Variants in NKAIN3 observed in about 807,000 individuals in gnomAD.
NKAIN3 encodes sodium/potassium-transporting ATPase subunit beta-1-interacting protein 3.
Under a neutral mutation model 30.2 loss-of-function variants are expected in NKAIN3, and 25 were observed. The observed-to-expected ratio is 0.83, with a 90% CI of 0.60 to 1.16. NKAIN3 has a LOEUF of 1.16. NKAIN3 is among the 50% of genes most tolerant of loss of function. The probability of loss-of-function intolerance (pLI) is 0.00; values close to 1 mark genes in which losing one functional copy is unlikely to be tolerated. For synonymous variants in NKAIN3, 91 were observed against 89.6 expected, an observed-to-expected ratio of 1.02 and a Z score of -0.09; for missense variants, 225 against 254.1, an observed-to-expected ratio of 0.89 and a Z score of 0.78.
chr8:62,602,743 C>T (rs535019122), intron 3 of NKAIN3, among the ~76,000 whole-genome samples: 1 of 152,224 alleles, frequency 6.6e-6, no homozygotes, highest in South Asian at 2.1e-4. Context: ...ATCCTGATCT[C>T]ATAATGATGT....
chr8:62,920,721 G>T (rs1392738714), intron 5 of NKAIN3, among the ~76,000 whole-genome samples: 1 of 151,984 alleles, frequency 6.6e-6, no homozygotes, highest in African/African-American at 2.4e-5. Flanking sequence ...TTGTTATTAG[G>T]GCCATACATT....
chr8:62,541,176 G>T (rs1172203816), intron 1 of NKAIN3, among the ~76,000 whole-genome samples: 1 of 152,112 alleles, frequency 6.6e-6, no homozygotes, highest in East Asian at 1.9e-4. Context: ...AAATAGCCAG[G>T]TGTGGTGGCA....
intron 4 of NKAIN3, among the ~76,000 whole-genome samples, chr8:62,896,842 T>C (rs975008225): frequency 1.1e-4 from 16 of 152,174 alleles, no homozygotes; most frequent in Non-Finnish European, 1.9e-4. Flanking sequence ...ATGTAGGCTA[T>C]TTACCTTTAA....
intron 1 of NKAIN3, among the ~76,000 whole-genome samples, chr8:62,279,390 G>T (rs956549938): frequency 6.6e-6 from 1 of 152,084 alleles, no homozygotes; most frequent in Non-Finnish European, 1.5e-5. Context: ...GATTCCATTC[G>T]TCAATTTTGG....
chr8:62,578,634 G>A (rs944249017), intron 1 of NKAIN3, among the ~76,000 whole-genome samples: 1 of 147,850 alleles, frequency 6.8e-6, no homozygotes, highest in Admixed American at 6.9e-5. Context: ...AAGAAAGCAG[G>A]GATAGGTAGA....
At chr8:62,556,493 T>C (rs1466584200) in intron 1 of NKAIN3, among the ~76,000 whole-genome samples, 1 of 151,750 alleles carries the variant, frequency 6.6e-6, no homozygotes, top group African/African-American at 2.4e-5. Flanking sequence ...ACTCAATAAA[T>C]GTAATTATAC....
intron 5 of NKAIN3, among the ~76,000 whole-genome samples, chr8:62,942,235 CACATATATATACAT>C (rs1822984437): frequency 1.3e-5 from 1 of 75,920 alleles, no homozygotes; most frequent in African/African-American, 6.6e-5. Context: ...CATATATATA[CACATATATATACAT>C]ATATATATAC....
chr8:62,693,788 A>G (rs1814060476), intron 3 of NKAIN3, among the ~76,000 whole-genome samples: 1 of 152,154 alleles, frequency 6.6e-6, no homozygotes, highest in Non-Finnish European at 1.5e-5. Context: ...GCTCTGAAAA[A>G]TCCAACTAAA....
chr8:62,717,355 T>C (rs1814940374), intron 3 of NKAIN3, among the ~76,000 whole-genome samples: 1 of 152,200 alleles, frequency 6.6e-6, no homozygotes, highest in African/African-American at 2.4e-5. Context: ...GGAAGGTGAC[T>C]TTTTTTATGT....
intron 4 of NKAIN3, among the ~76,000 whole-genome samples, chr8:62,883,897 G>C (rs567767151): frequency 4.6e-5 from 7 of 151,814 alleles, no homozygotes; most frequent in African/African-American, 1.4e-4. Context: ...CTCACTTCTA[G>C]TTTGCTGAAA....
intron 1 of NKAIN3, among the ~76,000 whole-genome samples, chr8:62,489,655 T>G (rs903151008): frequency 1.3e-5 from 2 of 152,254 alleles, no homozygotes; most frequent in Admixed American, 1.3e-4. Flanking sequence ...TTATTTTAAT[T>G]GTGTTCTTCA....
intron 1 of NKAIN3, among the ~76,000 whole-genome samples, chr8:62,433,380 TAC>T (rs1805075520): frequency 1.3e-5 from 2 of 152,118 alleles, no homozygotes; most frequent in Admixed American, 1.3e-4. Flanking sequence ...GACAGGTAGT[TAC>T]AGATATTAGT....
intron 3 of NKAIN3, among the ~76,000 whole-genome samples, chr8:62,645,173 G>A (rs1207010829): frequency 6.6e-6 from 1 of 152,072 alleles, no homozygotes; most frequent in Non-Finnish European, 1.5e-5. Flanking sequence ...TGTTAACAGC[G>A]GACCACTCTT....
At chr8:62,348,022 TA>T (rs1465568811) in intron 1 of NKAIN3, among the ~76,000 whole-genome samples, 3 of 124,894 alleles carry the variant, frequency 2.4e-5, no homozygotes, top group Non-Finnish European at 5.9e-5. Context: ...CGGTATTTTT[TA>T]TTGTTTTTTT....
intron 4 of NKAIN3, among the ~76,000 whole-genome samples, chr8:62,851,389 A>G (rs1256006488): frequency 6.6e-6 from 1 of 152,190 alleles, no homozygotes; most frequent in African/African-American, 2.4e-5. Flanking sequence ...ATATACAATC[A>G]TGTCCTCTGC....
chr8:62,566,038 T>G (rs1161530421), intron 1 of NKAIN3, among the ~76,000 whole-genome samples: 2 of 152,292 alleles, frequency 1.3e-5, no homozygotes, highest in East Asian at 3.9e-4. Context: ...CAATCCATCA[T>G]CCTTGTAAGG....
intron 3 of NKAIN3, among the ~76,000 whole-genome samples, chr8:62,726,325 T>G (rs1303180339): frequency 1.3e-5 from 2 of 152,052 alleles, no homozygotes; most frequent in African/African-American, 4.8e-5. Flanking sequence ...CTTTTCCTAT[T>G]ACTCTAGCTA....
At chr8:62,366,967 ATGTTG>A (rs1175087890) in intron 1 of NKAIN3, among the ~76,000 whole-genome samples, 1 of 151,990 alleles carries the variant, frequency 6.6e-6, no homozygotes, top group East Asian at 1.9e-4. Context: ...ATTTAGGAGC[ATGTTG>A]TTTCATTTCC....
rs549207768 is a variant in NKAIN3, at chr8:62,748,682, T to C, written c.471+1553T>C. Among the ~76,000 whole-genome samples the C allele has an allele frequency of 4.6e-3, 698 of 152,310 alleles. 6 individuals are homozygous for C. Among genetic ancestry groups the C allele is most frequent in the African/African-American group, 0.016 (672 of 41,574 alleles). On this transcript the variant is annotated intron_variant, in intron 4 of 6. Coordinates refer to ENST00000623646, the MANE Select transcript of NKAIN3 (RefSeq NM_001304533.3). ...CAATCTTCTAGAAAGACTAAAGATCTGAATAAAACAAAAATCAAAGATCTT... is the reference window on the plus strand; with the variant it reads ...CAATCTTCTAGAAAGACTAAAGATCCGAATAAAACAAAAATCAAAGATCTT...
Sources: gnomAD v4.1 joint callset for allele counts (sites outside exome capture counted in the v4.1 genomes callset) on GRCh38, gnomAD v4.1.1 for gene constraint, MANE v1.5 for transcripts, NCBI Gene and HGNC (gene_info 2026-07-23, HGNC 2026-07-21) for gene names.